NUMB: variants seen among roughly 807,000 people sequenced by gnomAD.
NUMB encodes the protein protein numb homolog.
Under a neutral mutation model 59.7 loss-of-function variants are expected in NUMB, and 29 were observed. The observed-to-expected ratio is 0.49, with a 90% CI of 0.36 to 0.66. The LOEUF is 0.66. NUMB is among the 30% of genes least tolerant of loss of function. NUMB has a pLI of 0.00. For missense variants in NUMB, 723 were observed against 822.0 expected, an observed-to-expected ratio of 0.88 and a Z score of 1.47; for synonymous variants, 288 against 288.2, an observed-to-expected ratio of 1.00 and a Z score of 0.01.
chr14:73,283,565 A>T (rs904010725), intron 10 of NUMB, among the ~76,000 whole-genome samples: 75 of 152,238 alleles, frequency 4.9e-4, no homozygotes, highest in African/African-American at 1.8e-3. Flanking sequence ...AATACTTGTG[A>T]ACAAGTCCAC....
At chr14:73,369,320 C>T (rs1402711993) in intron 2 of NUMB, among the ~76,000 whole-genome samples, 4 of 152,124 alleles carry the variant, frequency 2.6e-5, no homozygotes, top group Non-Finnish European at 5.9e-5. Context: ...GGATTACAGG[C>T]GTGAGCCACC....
At chr14:73,279,468 G>T (rs1888457752) in intron 11 of NUMB, 44 bp from the exon 12 acceptor site, 1 of 1,524,776 alleles carries the variant, frequency 6.6e-7, no homozygotes, top group Non-Finnish European at 8.8e-7. Context: ...ATTCATGCAG[G>T]GTGTACAAGT....
chr14:73,377,229 A>G (rs530556362), intron 2 of NUMB, among the ~76,000 whole-genome samples: 2 of 152,358 alleles, frequency 1.3e-5, no homozygotes, highest in South Asian at 4.1e-4. Context: ...AATAATTAAT[A>G]AGCTGGACTT....
intron 2 of NUMB, among the ~76,000 whole-genome samples, chr14:73,403,726 C>T (rs1444762306): frequency 6.6e-6 from 1 of 152,018 alleles, no homozygotes; most frequent in Non-Finnish European, 1.5e-5. Context: ...GAAGCCGAGG[C>T]AGGCAAATCA....
chr14:73,367,774 CAAAAAAA>C (rs11463575), intron 2 of NUMB, among the ~76,000 whole-genome samples: 1 of 111,858 alleles, frequency 8.9e-6, no homozygotes, highest in Non-Finnish European at 1.8e-5. Flanking sequence ...GACCCTGTTT[CAAAAAAA>C]AAAAAAAAAA....
intron 4 of NUMB, 169 bp from the exon 5 acceptor site, chr14:73,323,373 G>A (rs1891503429): frequency 3.9e-6 from 2 of 507,372 alleles, no homozygotes; most frequent in East Asian, 6.6e-5. Flanking sequence ...CACACAACCT[G>A]TATTGAAATT....
rs146529880 is a variant in NUMB, at chr14:73,318,998, G to T, written c.202-2576C>A. On this transcript the variant is annotated intron_variant, in intron 5 of 12. Coordinates refer to ENST00000555238, the MANE Select transcript of NUMB (RefSeq NM_001005743.2). Reference sequence around the variant, plus strand: ...AATTTAAAAAGCGCTAGAAGGCTGGGCGCAGTGGCTCATGCCTGTAATCCC... The same window carrying T: ...AATTTAAAAAGCGCTAGAAGGCTGGTCGCAGTGGCTCATGCCTGTAATCCC... Among the ~76,000 whole-genome samples, 807 of 152,302 alleles carry T rather than the reference G, an allele frequency of 5.3e-3. 4 individuals carry two copies. Among genetic ancestry groups the T allele is most frequent in the African/African-American group, 0.019 (769 of 41,542 alleles).
intron 2 of NUMB, among the ~76,000 whole-genome samples, chr14:73,402,263 C>G (rs1896454797): frequency 6.6e-6 from 1 of 152,186 alleles, no homozygotes; most frequent in Non-Finnish European, 1.5e-5. Flanking sequence ...TACTAATCAA[C>G]AGTATCTCCT....
chr14:73,328,710 C>G (rs1891794869), intron 4 of NUMB, among the ~76,000 whole-genome samples: 1 of 152,056 alleles, frequency 6.6e-6, no homozygotes, highest in Admixed American at 6.6e-5. Flanking sequence ...TTATTTGTAT[C>G]CACATCTTAT....
rs549771434 is a variant in NUMB at position 73,279,013 on chromosome 14, C to G, written c.1240+268G>C. 2.0e-5 allele frequency among the ~76,000 whole-genome samples: 3 copies of G among 152,312 alleles called. No homozygotes were observed. In the South Asian group the frequency reaches 6.2e-4, roughly 32 times the overall value. On this transcript the variant is annotated intron_variant, in intron 12 of 12. Coordinates refer to ENST00000555238, the MANE Select transcript of NUMB (RefSeq NM_001005743.2). The stretch of plus-strand genomic sequence containing the variant: ...TGCTGGGATTACAGGCATGTGCCAA[C>G]ACACCCAGCCGGAATCTGTATTTTA...
At chr14:73,292,304 C>A (rs1286497000) in intron 8 of NUMB, among the ~76,000 whole-genome samples, 3 of 152,168 alleles carry the variant, frequency 2.0e-5, no homozygotes, top group Non-Finnish European at 4.4e-5. Flanking sequence ...CCTGCCCTGG[C>A]CAAAGTGCTG....
intron 6 of NUMB, among the ~76,000 whole-genome samples, chr14:73,309,616 A>G (rs1166734273): frequency 6.6e-6 from 1 of 152,008 alleles, no homozygotes. Context: ...TGCGGGGTTT[A>G]AAACCTAGAT....
At chr14:73,443,364 G>A (rs563968871) in intron 1 of NUMB, among the ~76,000 whole-genome samples, 2 of 152,176 alleles carry the variant, frequency 1.3e-5, no homozygotes, top group African/African-American at 4.8e-5. Context: ...GGGAGGCTGA[G>A]GCGGGTGGAT....
At chr14:73,438,579 C>T (rs191727428) in intron 1 of NUMB, among the ~76,000 whole-genome samples, 11 of 140,510 alleles carry the variant, frequency 7.8e-5, no homozygotes, top group East Asian at 2.0e-4. Flanking sequence ...TACAGTGAGC[C>T]GAGATTGCGA....
chr14:73,428,468 C>T (rs1897680041), intron 1 of NUMB, among the ~76,000 whole-genome samples: 1 of 152,120 alleles, frequency 6.6e-6, no homozygotes, highest in African/African-American at 2.4e-5. Context: ...GGTCCACCAC[C>T]TTCTCTCCTC....
intron 1 of NUMB, among the ~76,000 whole-genome samples, chr14:73,436,611 C>T (rs1898062647): frequency 6.6e-6 from 1 of 152,026 alleles, no homozygotes; most frequent in African/African-American, 2.4e-5. Context: ...AGCCACCGTG[C>T]CCAGCTTTGA....
At chr14:73,278,693 T>C (rs1268903965) in intron 12 of NUMB, among the ~76,000 whole-genome samples, 2 of 150,104 alleles carry the variant, frequency 1.3e-5, no homozygotes, top group African/African-American at 4.9e-5. Flanking sequence ...AATCCGGTGA[T>C]GGATTCTCTG....
chr14:73,328,338 A>G (rs1397372263), intron 4 of NUMB, among the ~76,000 whole-genome samples: 1 of 151,994 alleles, frequency 6.6e-6, no homozygotes, highest in Non-Finnish European at 1.5e-5. Context: ...ACAGAGTAGT[A>G]TTTCATCATA....
chr14:73,439,239 A>G (rs4903111), intron 1 of NUMB, among the ~76,000 whole-genome samples: 121,980 of 152,154 alleles, frequency 0.8, 49,491 homozygotes, highest in African/African-American at 0.93. Context: ...GCAAAGTACC[A>G]GCCTCTAAAG....
Sources: gnomAD v4.1 joint callset for allele counts (sites outside exome capture counted in the v4.1 genomes callset) on GRCh38, gnomAD v4.1.1 for gene constraint, MANE v1.5 for transcripts, NCBI Gene and HGNC (gene_info 2026-07-23, HGNC 2026-07-21) for gene names.